The following RBM47 variants were observed in gnomAD, a reference collection of about 807,000 sequenced individuals.
RBM47 encodes RNA-binding protein 47.
In RBM47, 21 loss-of-function variants were observed where a neutral mutation model predicts 47.1. The observed-to-expected ratio is 0.45, with a 90% CI of 0.32 to 0.64. RBM47 has a LOEUF of 0.64. Ranked by LOEUF, RBM47 falls within the 30% of genes least tolerant of loss-of-function variation. RBM47 has a pLI of 0.05. For missense variants in RBM47, 708 were observed against 870.9 expected, an observed-to-expected ratio of 0.81 and a Z score of 2.35; for synonymous variants, 375 against 361.7, an observed-to-expected ratio of 1.04 and a Z score of -0.42.
chr4:40,447,267 T>C (rs191546187), intron 3 of RBM47, among the ~76,000 whole-genome samples: 264 of 152,346 alleles, frequency 1.7e-3, no homozygotes, highest in African/African-American at 6.0e-3. Context: ...CAGTTTTGTA[T>C]ATAAAACAAG....
intron 1 of RBM47, among the ~76,000 whole-genome samples, chr4:40,617,496 T>C (rs1736859206): frequency 1.3e-5 from 2 of 151,838 alleles, no homozygotes; most frequent in South Asian, 4.2e-4. Flanking sequence ...GAGGCAGAGG[T>C]TGCAGTGAGC....
At chr4:40,525,602 C>T (rs1488584560) in intron 2 of RBM47, among the ~76,000 whole-genome samples, 1 of 151,318 alleles carries the variant, frequency 6.6e-6, no homozygotes, top group Non-Finnish European at 1.5e-5. Context: ...GAAAGAACTT[C>T]GAAAATAGCC....
chr4:40,578,960 T>C (rs769066070), intron 1 of RBM47, among the ~76,000 whole-genome samples: 3 of 149,882 alleles, frequency 2.0e-5, no homozygotes, highest in Non-Finnish European at 3.0e-5. Flanking sequence ...TCCACTAAAA[T>C]AACAAAAAAT....
At chr4:40,585,258 T>C (rs1288937186) in intron 1 of RBM47, among the ~76,000 whole-genome samples, 1 of 152,020 alleles carries the variant, frequency 6.6e-6, no homozygotes, top group Non-Finnish European at 1.5e-5. Context: ...TTGCTGTCCA[T>C]AGGGGAAAAA....
intron 2 of RBM47, chr4:40,515,856 T>C (rs910047128): frequency 6.6e-6 from 1 of 152,236 alleles, no homozygotes; most frequent in African/African-American, 2.4e-5. Flanking sequence ...TGTCATTTTT[T>C]GGTCTCCTAC....
intron 2 of RBM47, among the ~76,000 whole-genome samples, chr4:40,493,255 G>A (rs748446204): frequency 1.3e-5 from 2 of 152,152 alleles, no homozygotes; most frequent in Non-Finnish European, 2.9e-5. Context: ...TGTAGTAGGA[G>A]ATATAGAAAT....
chr4:40,602,474 C>T (rs780461395), intron 1 of RBM47, among the ~76,000 whole-genome samples: 16 of 151,480 alleles, frequency 1.1e-4, no homozygotes, highest in Non-Finnish European at 2.4e-4. Flanking sequence ...ATGGTGAAAC[C>T]CCGTCTCTAC....
At chr4:40,429,688 C>CA (rs60673202) in intron 6 of RBM47, among the ~76,000 whole-genome samples, 2,632 of 38,058 alleles carry the variant, frequency 0.069, 660 homozygotes, top group East Asian at 0.19. Context: ...GACTCCATCT[C>CA]AAAAAAAAAA....
At chr4:40,600,701 C>T (rs917805082) in intron 1 of RBM47, among the ~76,000 whole-genome samples, 2 of 150,152 alleles carry the variant, frequency 1.3e-5, no homozygotes, top group African/African-American at 4.9e-5. Flanking sequence ...GATTTCAAGG[C>T]CGGACGCAGT....
chr4:40,585,827 C>T (rs1373685054), intron 1 of RBM47, among the ~76,000 whole-genome samples: 1 of 152,196 alleles, frequency 6.6e-6, no homozygotes, highest in Non-Finnish European at 1.5e-5. Context: ...CAGCAAATAT[C>T]ATATCTGGCA....
chr4:40,605,107 C>T (rs906240948), intron 1 of RBM47, among the ~76,000 whole-genome samples: 3 of 152,204 alleles, frequency 2.0e-5, no homozygotes, highest in South Asian at 4.1e-4. Context: ...ACTGCAACCT[C>T]CGCCTCCCAG....
chr4:40,435,047 T>C (rs767955164), intron 5 of RBM47, among the ~76,000 whole-genome samples: 2 of 152,148 alleles, frequency 1.3e-5, no homozygotes, highest in Admixed American at 6.5e-5. Context: ...TTAATGTTTT[T>C]TGCAGGTTCG....
chr4:40,518,157 TC>T (rs1725810053), intron 2 of RBM47, among the ~76,000 whole-genome samples: 1 of 117,438 alleles, frequency 8.5e-6, no homozygotes. Flanking sequence ...TCTTTTCTTT[TC>T]TTTTTTTTTT....
In RBM47 at chr4:40,425,756, C is replaced by A. The variant is rs2154207617; in HGVS notation, c.*148G>T. On this transcript the variant is annotated 3_prime_UTR_variant, in exon 7 of 7. Transcript: ENST00000295971. ...AGTCTTAAAAAACTAGTGAAAACTT[C>A]ATGTATATAAAATAATTCAGAAATA... The A allele has an allele frequency of 8.3e-7, 1 of 1,199,250 alleles. No homozygotes were observed. The highest frequency in any genetic ancestry group is 1.6e-5 in the South Asian group (1 of 61,164). The allele number at this position is 1,199,250 out of a possible 1,614,324, so 74.3% of individuals were successfully genotyped here. A position where few individuals can be genotyped will look rare whatever the true frequency, so the allele number is the denominator to read the frequency against.
chr4:40,433,788 CCA>C (rs1225852351), intron 5 of RBM47, among the ~76,000 whole-genome samples: 2 of 152,176 alleles, frequency 1.3e-5, no homozygotes, highest in Non-Finnish European at 2.9e-5. Flanking sequence ...AGCACATTCC[CCA>C]GTTTCCTCAT....
At chr4:40,580,748 A>T (rs564525910) in intron 1 of RBM47, among the ~76,000 whole-genome samples, 2 of 152,358 alleles carry the variant, frequency 1.3e-5, no homozygotes, top group South Asian at 4.1e-4. Context: ...AAGGATGTAC[A>T]ATACATAAAG....
At chr4:40,549,072 A>T (rs1265113076) in intron 1 of RBM47, among the ~76,000 whole-genome samples, 2 of 151,194 alleles carry the variant, frequency 1.3e-5, no homozygotes, top group Admixed American at 1.3e-4. Flanking sequence ...TTATCAATCA[A>T]AAGCCACACA....
intron 3 of RBM47, among the ~76,000 whole-genome samples, chr4:40,441,284 A>G (rs1276357672): frequency 2.7e-5 from 4 of 150,906 alleles, no homozygotes; most frequent in African/African-American, 9.7e-5. Flanking sequence ...CAAAAAAAAA[A>G]AGATCCCAAT....
At chr4:40,581,684 G>A (rs2154271188) in intron 1 of RBM47, among the ~76,000 whole-genome samples, 1 of 152,080 alleles carries the variant, frequency 6.6e-6, no homozygotes, top group East Asian at 1.9e-4. Flanking sequence ...AGAAACCACA[G>A]ACAGAAAATG....
Sources: gnomAD v4.1 joint callset for allele counts (sites outside exome capture counted in the v4.1 genomes callset) on GRCh38, gnomAD v4.1.1 for gene constraint, MANE v1.5 for transcripts, NCBI Gene and HGNC (gene_info 2026-07-23, HGNC 2026-07-21) for gene names.